TATDN2: variants seen among roughly 807,000 people sequenced by gnomAD.
The protein encoded by TATDN2 is 3'-5' RNA nuclease TATDN2.
Under a neutral mutation model 60.3 loss-of-function variants are expected in TATDN2, and 44 were observed. The ratio of observed to expected loss-of-function variants is 0.73; its 90% CI spans 0.57 to 0.94. The LOEUF (loss-of-function observed/expected upper bound fraction) is 0.94. TATDN2 is among the 40% of genes least tolerant of loss of function. The probability of loss-of-function intolerance (pLI) is 0.00; values close to 1 mark genes in which losing one functional copy is unlikely to be tolerated. For missense variants in TATDN2, 997 were observed against 948.0 expected, an observed-to-expected ratio of 1.05 and a Z score of -0.68; for synonymous variants, 399 against 355.8, an observed-to-expected ratio of 1.12 and a Z score of -1.37.
At position 10,270,727 on chromosome 3, in the gene TATDN2, T is replaced by A; in HGVS notation, c.1545T>A (p.Phe515Leu). The change falls in exon 4 of 8, where the codon TTT (phenylalanine) becomes TTA (leucine). Residue 515 changes from phenylalanine to leucine, a missense_variant. Transcript: ENST00000448281. Reference protein sequence around the residue: ...LYSKLSFQGTFTKFRKIYSSS... With the variant: ...LYSKLSFQGTLTKFRKIYSSS... ...CCAAGCTATCTTTCCAAGGGACCTT[T>A]ACAAAGTTCAGAAAAATTTACAGCA... 1.2e-6 allele frequency: 2 copies of A among 1,614,202 alleles called. No homozygotes were observed. The highest frequency in any genetic ancestry group is 1.7e-6 in the Non-Finnish European group (2 of 1,180,034).
intron 4 of TATDN2, among the ~76,000 whole-genome samples, chr3:10,274,277 A>G (rs994515752): frequency 6.6e-6 from 1 of 152,202 alleles, no homozygotes; most frequent in Non-Finnish European, 1.5e-5. Context: ...TATAAATGTA[A>G]TGTTATTGTT....
Position 10,260,396 on chromosome 3 carries a change from C to T in TATDN2, c.674C>T (p.Ala225Val). 1 of 1,613,576 alleles carries T rather than the reference C, an allele frequency of 6.2e-7. No individual in the cohort carries two copies. The highest frequency in any genetic ancestry group is 8.5e-7 in the Non-Finnish European group (1 of 1,179,914). Residue 225 changes from alanine (A) to valine (V), a missense_variant, in exon 3 of 8, where the codon GCC becomes GTC. By Grantham distance (64) the Ala-to-Val change is moderately conservative (BLOSUM62 0). Transcript: ENST00000448281. ...AEHPSHGEGP[A>V]RSEGPAKTAE... ...CATCCCAGCCATGGAGAAGGACCAG[C>T]CAGGAGTGAAGGACCAGCCAAGACT...
At chr3:10,262,801 C>G (rs2125175758) in intron 3 of TATDN2, among the ~76,000 whole-genome samples, 1 of 152,230 alleles carries the variant, frequency 6.6e-6, no homozygotes. Context: ...TCCCAAAGTA[C>G]TGAGATTACA....
intron 2 of TATDN2, among the ~76,000 whole-genome samples, chr3:10,253,216 G>C (rs1369608312): frequency 1.3e-5 from 2 of 151,702 alleles, no homozygotes; most frequent in Admixed American, 1.3e-4. Context: ...GACCAGGCTG[G>C]TCTCAATCTC....
chr3:10,269,985 G>C, intron 3 of TATDN2, 146 bp from the exon 4 acceptor site: 1 of 1,028,254 alleles, frequency 9.7e-7, no homozygotes, highest in Non-Finnish European at 1.4e-6. Flanking sequence ...AAGGAAACCA[G>C]GTGACAGGGT....
intron 1 of TATDN2, 42 bp from the exon 2 acceptor site, chr3:10,249,153 A>G (rs1698179292): frequency 3.4e-6 from 5 of 1,478,968 alleles, no homozygotes; most frequent in East Asian, 2.5e-5. Context: ...TGGGGTCGCC[A>G]GGAAGGGTGG....
intron 3 of TATDN2, among the ~76,000 whole-genome samples, chr3:10,261,276 C>T (rs7643563): frequency 0.012 from 1,849 of 152,116 alleles, 29 homozygotes; most frequent in African/African-American, 0.042. Context: ...ACCTGGATAA[C>T]CAGAGAAGAA....
chr3:10,265,308 C>G (rs1698461717), intron 3 of TATDN2, among the ~76,000 whole-genome samples: 1 of 150,482 alleles, frequency 6.6e-6, no homozygotes, highest in African/African-American at 2.4e-5. Flanking sequence ...AACTCCTGAC[C>G]TCAGGTGATC....
At chr3:10,268,521 A>G (rs1267108591) in intron 3 of TATDN2, among the ~76,000 whole-genome samples, 1 of 152,222 alleles carries the variant, frequency 6.6e-6, no homozygotes, top group Non-Finnish European at 1.5e-5. Flanking sequence ...ATGGCACTTA[A>G]ATTTTGTTTC....
chr3:10,249,474 G>A lies in TATDN2; in HGVS notation c.274G>A (p.Gly92Ser), dbSNP rs749083425. The A allele has an allele frequency of 3.0e-5, 48 of 1,613,678 alleles. No individual in the cohort carries two copies. The highest frequency in any genetic ancestry group is 5.9e-6 in the Non-Finnish European group (7 of 1,179,930). Reference protein sequence around the residue: ...SSFSPHFLGPGVGGAASKGCL... With the variant: ...SSFSPHFLGPSVGGAASKGCL... The stretch of plus-strand genomic sequence containing the variant: ...CTTCTCCCCACATTTCTTGGGCCCT[G>A]GTGTGGGCGGGGCCGCCTCCAAAGG... The change falls in exon 2 of 8, where the codon GGT becomes AGT. Residue 92 changes from glycine (G) to serine (S), a missense_variant. Gly to Ser is a moderately conservative substitution (Grantham distance 56). Transcript: ENST00000448281.
Position 10,271,023 on chromosome 3 carries a change from G to A in TATDN2, c.1833+8G>A. The A allele has an allele frequency of 1.3e-6, 2 of 1,543,710 alleles. No individual in the cohort carries two copies. The highest frequency in any genetic ancestry group is 8.7e-7 in the Non-Finnish European group (1 of 1,151,164). The stretch of plus-strand genomic sequence containing the variant: ...GTCCCAGAACAGCACAAGGTAACAA[G>A]GCTCTCTTTAGTCTGCTTATAGTTT... On this transcript the variant is annotated splice_region_variant and intron_variant, in intron 4 of 7. Transcript: ENST00000448281.
chr3:10,278,809 G>T lies in TATDN2; in HGVS notation c.2146-76G>T. 1 of 1,606,674 alleles carries T rather than the reference G, an allele frequency of 6.2e-7. No homozygotes were observed. Among genetic ancestry groups the T allele is most frequent in the Non-Finnish European group, 8.5e-7 (1 of 1,176,872 alleles). ...CCCCAAAGAGGTCCTTGCTGGGGAA[G>T]GGACAGGGAGGGAGTTCTAGATTAT... On this transcript the variant is annotated intron_variant, in intron 6 of 7. Transcript: ENST00000448281. This position sits in a 1 kb window ranked among gnomAD's most constrained non-coding sequence, Gnocchi z 4.7.
In TATDN2 at chr3:10,270,375, C is replaced by G. The variant is rs758008127; in HGVS notation, c.1193C>G (p.Thr398Arg). The G allele has an allele frequency of 5.3e-5, 85 of 1,614,070 alleles. 2 individuals carry two copies. In the South Asian group the frequency reaches 8.9e-4, roughly 17 times the overall value. ...SSPKPSSYPS[T>R]GSSSNDAAQV... ...CCCAAGCCTTCTAGCTACCCCTCCA[C>G]AGGCAGCAGCAGCAACGATGCAGCC... The change falls in exon 4 of 8, where the codon ACA becomes AGA. Residue 398 changes from threonine (T) to arginine (R), a missense_variant. By Grantham distance (71) the Thr-to-Arg change is moderately conservative. Coordinates refer to ENST00000448281, the MANE Select transcript of TATDN2 (RefSeq NM_014760.4).
At chr3:10,254,453 T>C (rs1451621192) in intron 2 of TATDN2, among the ~76,000 whole-genome samples, 3 of 152,134 alleles carry the variant, frequency 2.0e-5, no homozygotes, top group African/African-American at 7.2e-5. Flanking sequence ...TCATCCGTGC[T>C]CTCCTGCGTT....
intron 2 of TATDN2, among the ~76,000 whole-genome samples, chr3:10,258,021 C>T (rs183545264): frequency 5.4e-5 from 8 of 149,326 alleles, no homozygotes; most frequent in African/African-American, 1.5e-4. Context: ...CCACCACGCA[C>T]GGCTAATTTT....
chr3:10,274,105 A>G (rs1698602524), intron 4 of TATDN2, among the ~76,000 whole-genome samples: 1 of 152,186 alleles, frequency 6.6e-6, no homozygotes, highest in Non-Finnish European at 1.5e-5. Context: ...TATACTGGGT[A>G]ATAACTCATC....
intron 4 of TATDN2, among the ~76,000 whole-genome samples, chr3:10,273,296 A>G (rs1559464219): frequency 6.6e-6 from 1 of 152,036 alleles, no homozygotes. Flanking sequence ...GGATATGGAC[A>G]CTGTTTTGAT....
chr3:10,272,369 G>A (rs748615175), intron 4 of TATDN2, among the ~76,000 whole-genome samples: 24 of 152,042 alleles, frequency 1.6e-4, no homozygotes, highest in Non-Finnish European at 3.5e-4. Flanking sequence ...CACCTCCCCA[G>A]TTCAAGTGAT....
chr3:10,270,573 C>T lies in TATDN2; in HGVS notation c.1391C>T (p.Thr464Ile). The T allele has an allele frequency of 3.1e-6, 5 of 1,614,230 alleles. No homozygotes were observed. Among genetic ancestry groups the T allele is most frequent in the Non-Finnish European group, 4.2e-6 (5 of 1,180,044 alleles). Residue 464 changes from threonine to isoleucine, a missense_variant, in exon 4 of 8, where the codon ACA becomes ATA. Thr to Ile is a moderately conservative substitution (Grantham distance 89). Transcript: ENST00000448281. ...SEEREVKEKRTFQEEMPPRPC... is the reference protein window; with the variant it reads ...SEEREVKEKRIFQEEMPPRPC... ...GAAAGAGAGGTGAAGGAGAAAAGAACATTCCAAGAGGAGATGCCTCCGCGT... is the reference window on the plus strand; with the variant it reads ...GAAAGAGAGGTGAAGGAGAAAAGAATATTCCAAGAGGAGATGCCTCCGCGT...
Sources: allele counts gnomAD v4.1 joint callset (sites outside exome capture counted in the v4.1 genomes callset), GRCh38; gene constraint gnomAD v4.1.1; non-coding constraint Gnocchi (gnomAD v3.1); transcripts MANE v1.5; gene names NCBI Gene and HGNC (gene_info 2026-07-23, HGNC 2026-07-21).